LARP1B: variants seen among roughly 807,000 people sequenced by gnomAD.
LARP1B encodes the protein la-related protein 1B.
LARP1B carries 76 observed loss-of-function variants against 114.2 expected under a neutral mutation model. That is an observed-to-expected ratio of 0.67 (90% CI 0.55 to 0.81). The LOEUF (loss-of-function observed/expected upper bound fraction) is 0.81. Among genes scored for constraint, LARP1B ranks in the 30% least tolerant of loss-of-function variants. The pLI is 0.00. For synonymous variants in LARP1B, 345 were observed against 348.0 expected, an observed-to-expected ratio of 0.99 and a Z score of 0.10; for missense variants, 1,014 against 1,075.8, an observed-to-expected ratio of 0.94 and a Z score of 0.80.
chr4:128,169,219 T>A (rs1208042307), intron 12 of LARP1B, among the ~76,000 whole-genome samples: 1 of 151,992 alleles, frequency 6.6e-6, no homozygotes, highest in African/African-American at 2.4e-5. Flanking sequence ...TGATTTACTT[T>A]ATTTTTATTC....
intron 17 of LARP1B, among the ~76,000 whole-genome samples, chr4:128,203,847 A>G (rs1190172022): frequency 6.6e-6 from 1 of 152,140 alleles, no homozygotes; most frequent in Non-Finnish European, 1.5e-5. Flanking sequence ...GATCTAATTG[A>G]CTCAATTTTC....
intron 15 of LARP1B, among the ~76,000 whole-genome samples, chr4:128,198,886 G>A (rs1345734040): frequency 6.6e-6 from 1 of 152,204 alleles, no homozygotes; most frequent in African/African-American, 2.4e-5. Context: ...ATTTGAATTT[G>A]AGTGCAGATG....
Position 128,211,624 on chromosome 4 carries a change from T to G in LARP1B, c.*1571T>G, listed in dbSNP as rs1758998534. ...TGGGTTAGAATAATAGATCTTCAAG[T>G]CTTTTCTTAAATGGGGTATGTAGTT... On this transcript the variant is annotated 3_prime_UTR_variant, in exon 20 of 20. Transcript: ENST00000326639. The G allele has an allele frequency of 1.0e-6, 1 of 977,154 alleles. No individual in the cohort carries two copies. The highest frequency in any genetic ancestry group is 1.2e-6 in the Non-Finnish European group (1 of 822,460). 60.5% of individuals were successfully genotyped at this position (977,154 alleles called of 1,614,324 possible). A position where few individuals can be genotyped will look rare whatever the true frequency, so the allele number is the denominator to read the frequency against.
chr4:128,097,624 A>G (rs1778556180), intron 7 of LARP1B, among the ~76,000 whole-genome samples: 1 of 152,150 alleles, frequency 6.6e-6, no homozygotes, highest in Non-Finnish European at 1.5e-5. Context: ...CTGAGTTTTT[A>G]ACTAAGAATT....
At position 128,173,013 on chromosome 4, in the gene LARP1B, T is replaced by A. The variant is rs1057191625; in HGVS notation, c.1649-3859T>A. On this transcript the variant is annotated intron_variant, in intron 12 of 19. Coordinates refer to ENST00000326639, the MANE Select transcript of LARP1B (RefSeq NM_018078.4). ...AATCTCAGCTGTTGTCCTTTTCTCA[T>A]CTAGAAGCTTGATTGGGTTCTCTTT... 2.0e-5 allele frequency among the ~76,000 whole-genome samples: 3 copies of A among 151,780 alleles called. 1 individual carries two copies. In the South Asian group the frequency reaches 6.2e-4, roughly 32 times the overall value.
intron 7 of LARP1B, 128 bp from the exon 8 acceptor site, chr4:128,098,058 C>G: frequency 4.4e-6 from 3 of 676,192 alleles, no homozygotes; most frequent in Non-Finnish European, 7.6e-6. Flanking sequence ...TGTATTAGAG[C>G]TATACATATT....
At chr4:128,214,328 G>A (rs890500435), downstream of LARP1B, among the ~76,000 whole-genome samples, 35 of 149,224 alleles carry the variant, frequency 2.3e-4, no homozygotes, top group African/African-American at 8.1e-4. Context: ...GCCTGCCTCT[G>A]TAGGCTCCAC....
At chr4:128,080,280 G>T (rs939611285) in intron 4 of LARP1B, among the ~76,000 whole-genome samples, 3 of 152,252 alleles carry the variant, frequency 2.0e-5, no homozygotes, top group South Asian at 4.1e-4. Context: ...ACCACGCCTG[G>T]CAATTTGTCT....
intron 11 of LARP1B, among the ~76,000 whole-genome samples, chr4:128,142,274 AG>A (rs1240155671): frequency 6.6e-6 from 1 of 152,172 alleles, no homozygotes; most frequent in Non-Finnish European, 1.5e-5. Context: ...CCACCTCATG[AG>A]GTTGTAAAGA....
chr4:128,077,762 A>C, intron 3 of LARP1B, 26 bp from the exon 4 acceptor site: 1 of 1,494,772 alleles, frequency 6.7e-7, no homozygotes, highest in Non-Finnish European at 8.9e-7. Flanking sequence ...AATGGAAATC[A>C]TTTCATTCTG....
At chr4:128,129,896 A>G (rs866673550) in intron 11 of LARP1B, among the ~76,000 whole-genome samples, 9 of 152,268 alleles carry the variant, frequency 5.9e-5, no homozygotes, top group African/African-American at 2.2e-4. Flanking sequence ...TGTAAAAGAC[A>G]AAACCATAAA....
At chr4:128,165,944 A>G (rs1426318636) in intron 12 of LARP1B, among the ~76,000 whole-genome samples, 1 of 152,120 alleles carries the variant, frequency 6.6e-6, no homozygotes, top group African/African-American at 2.4e-5. Context: ...TTGAATCCTC[A>G]ATAACTCCTT....
At chr4:128,212,415 G>A (rs1343370483), downstream of LARP1B, among the ~76,000 whole-genome samples, 1 of 151,980 alleles carries the variant, frequency 6.6e-6, no homozygotes, top group East Asian at 1.9e-4. Context: ...AGGCTGAGGC[G>A]GGTGGATCAC....
In LARP1B at chr4:128,122,144, G is replaced by T. The variant is rs1788151268; in HGVS notation, c.1480G>T (p.Asp494Tyr). Residue 494 changes from aspartate (D) to tyrosine (Y), a missense_variant, in exon 11 of 20, where the codon GAT (aspartate) becomes TAT (tyrosine). Asp to Tyr is a radical substitution (Grantham distance 160). Transcript: ENST00000326639. Reference protein sequence around the residue: ...INDGLYYYEQDLWMEEDENKH... With the variant: ...INDGLYYYEQYLWMEEDENKH... Reference sequence around the variant, plus strand: ...TGATGGCTTATACTATTATGAACAGGATCTATGGATGGAAGAAGATGAAAA... The same window carrying T: ...TGATGGCTTATACTATTATGAACAGTATCTATGGATGGAAGAAGATGAAAA... 4 of 1,613,898 alleles carry T rather than the reference G, an allele frequency of 2.5e-6. No homozygotes were observed. The highest frequency in any genetic ancestry group is 2.5e-6 in the Non-Finnish European group (3 of 1,179,870).
At chr4:128,176,830 G>A in intron 12 of LARP1B, 42 bp from the exon 13 acceptor site, 1 of 1,573,636 alleles carries the variant, frequency 6.4e-7, no homozygotes, top group Non-Finnish European at 8.7e-7. Context: ...TGGATAAAAT[G>A]CAGACACAGC....
At chr4:128,122,802 C>T (rs1788433084) in intron 11 of LARP1B, 2 of 1,111,196 alleles carry the variant, frequency 1.8e-6, no homozygotes, top group South Asian at 4.3e-5. Context: ...CATTTCATCC[C>T]AGATCCTGGT....
At chr4:128,080,405 AAAG>A (rs1459000873) in intron 4 of LARP1B, among the ~76,000 whole-genome samples, 2 of 152,196 alleles carry the variant, frequency 1.3e-5, no homozygotes, top group Non-Finnish European at 2.9e-5. Context: ...TTTGACTTTA[AAAG>A]AAGGGCTTCT....
intron 11 of LARP1B, among the ~76,000 whole-genome samples, chr4:128,131,770 T>A (rs554731097): frequency 6.6e-6 from 1 of 152,178 alleles, no homozygotes; most frequent in African/African-American, 2.4e-5. Context: ...AGACATTTCT[T>A]CAAAGAAGAT....
intron 5 of LARP1B, among the ~76,000 whole-genome samples, chr4:128,083,777 G>C (rs1308220570): frequency 1.4e-5 from 2 of 146,720 alleles, no homozygotes; most frequent in South Asian, 2.2e-4. Flanking sequence ...CCTCCTGGAC[G>C]GGGCGGCTGG....
Sources: gnomAD v4.1 joint callset for allele counts (sites outside exome capture counted in the v4.1 genomes callset) on GRCh38, gnomAD v4.1.1 for gene constraint, MANE v1.5 for transcripts, NCBI Gene and HGNC (gene_info 2026-07-23, HGNC 2026-07-21) for gene names.